Variants in CCSER1 observed in about 807,000 individuals in gnomAD.
The protein encoded by CCSER1 is coiled-coil serine rich protein 1, also known as serine-rich coiled-coil domain-containing protein 1.
A neutral mutation model predicts 82.0 loss-of-function variants in CCSER1; 41 were observed. The observed-to-expected ratio is 0.50, with a 90% CI of 0.39 to 0.65. The LOEUF (loss-of-function observed/expected upper bound fraction) is 0.65, where lower values mean the gene tolerates loss of function less well. Among genes scored for constraint, CCSER1 ranks in the 30% least tolerant of loss-of-function variants. The pLI is 0.00. For missense variants in CCSER1, 1,119 were observed against 1,064.2 expected (o/e 1.05, Z -0.72); for synonymous variants, 414 against 383.9 (o/e 1.08, Z -0.92).
At chr4:90,885,818 A>G (rs1722041803) in intron 8 of CCSER1, among the ~76,000 whole-genome samples, 1 of 152,196 alleles carries the variant, frequency 6.6e-6, no homozygotes. Flanking sequence ...ATTAGGAAGA[A>G]TTCAGCTACC....
chr4:90,691,612 A>C (rs1560951672), intron 6 of CCSER1, among the ~76,000 whole-genome samples: 1 of 140,954 alleles, frequency 7.1e-6, no homozygotes, highest in East Asian at 2.0e-4. Context: ...TATATATCAC[A>C]TGTATATATG....
At chr4:91,383,864 T>C (rs766006724) in intron 10 of CCSER1, among the ~76,000 whole-genome samples, 21 of 152,196 alleles carry the variant, frequency 1.4e-4, no homozygotes, top group Non-Finnish European at 2.4e-4. Context: ...AGTAGAGTGT[T>C]GCATAAAGTG....
intron 2 of CCSER1, among the ~76,000 whole-genome samples, chr4:90,310,924 A>G (rs1735177243): frequency 6.6e-6 from 1 of 152,040 alleles, no homozygotes; most frequent in African/African-American, 2.4e-5. Context: ...GCACGTGACC[A>G]TGTTTGTCCA....
chr4:90,895,683 G>A (rs1377804449), intron 8 of CCSER1, among the ~76,000 whole-genome samples: 2 of 151,780 alleles, frequency 1.3e-5, no homozygotes, highest in African/African-American at 4.8e-5. Flanking sequence ...GAGGCTTTGG[G>A]TGAAGTATAA....
At chr4:90,961,125 A>G (rs1342731969) in intron 9 of CCSER1, among the ~76,000 whole-genome samples, 1 of 152,090 alleles carries the variant, frequency 6.6e-6, no homozygotes, top group Admixed American at 6.6e-5. Context: ...ATGCTACTTT[A>G]TCCTGTTCTT....
chr4:90,449,595 G>A (rs1196726186), intron 4 of CCSER1, among the ~76,000 whole-genome samples: 1 of 152,168 alleles, frequency 6.6e-6, no homozygotes, highest in Non-Finnish European at 1.5e-5. Flanking sequence ...TCCCTCCCAT[G>A]CTCATCAGCT....
intron 5 of CCSER1, among the ~76,000 whole-genome samples, chr4:90,495,551 A>G (rs1326697699): frequency 2.6e-5 from 4 of 152,224 alleles, no homozygotes; most frequent in South Asian, 2.1e-4. Context: ...CAAAATAAAC[A>G]GTACTCTAAA....
intron 5 of CCSER1, among the ~76,000 whole-genome samples, chr4:90,590,766 G>A (rs1218003050): frequency 6.6e-6 from 1 of 152,088 alleles, no homozygotes; most frequent in East Asian, 1.9e-4. Flanking sequence ...GCTTAGAATT[G>A]TCTTGGTTAT....
intron 7 of CCSER1, among the ~76,000 whole-genome samples, chr4:90,774,728 G>T (rs1752675348): frequency 6.6e-6 from 1 of 152,028 alleles, no homozygotes; most frequent in South Asian, 2.1e-4. Context: ...GATTACTGCT[G>T]TAATGTTTTC....
At chr4:91,232,750 C>T (rs968078468) in intron 10 of CCSER1, among the ~76,000 whole-genome samples, 4 of 151,632 alleles carry the variant, frequency 2.6e-5, no homozygotes, top group Admixed American at 2.6e-4. Flanking sequence ...TAAAATGTAT[C>T]TCTGTGTGTA....
chr4:90,347,838 T>G (rs1348114103), intron 3 of CCSER1, among the ~76,000 whole-genome samples: 2 of 152,100 alleles, frequency 1.3e-5, no homozygotes, highest in Non-Finnish European at 2.9e-5. Flanking sequence ...TCAAACACTT[T>G]AAGCACCAAA....
chr4:90,411,523 C>T (rs1754798876), intron 4 of CCSER1, among the ~76,000 whole-genome samples: 2 of 152,220 alleles, frequency 1.3e-5, no homozygotes, highest in South Asian at 4.2e-4. Flanking sequence ...AGACAAAAAC[C>T]ACATGATTAT....
intron 10 of CCSER1, among the ~76,000 whole-genome samples, chr4:91,499,225 A>G (rs984653201): frequency 1.3e-5 from 2 of 152,060 alleles, no homozygotes; most frequent in Non-Finnish European, 2.9e-5. Flanking sequence ...TTAGATAATT[A>G]GTATTTTGGG....
At chr4:91,250,100 C>T (rs1226389568) in intron 10 of CCSER1, among the ~76,000 whole-genome samples, 3 of 151,754 alleles carry the variant, frequency 2.0e-5, no homozygotes, top group East Asian at 1.9e-4. Context: ...TGTCCTTCAC[C>T]GGCTCCTGAA....
rs144966778 is a variant in CCSER1 at position 90,626,837 on chromosome 4, A to G, written c.1725-1188A>G. ...ATTACATGACTGCCTGAGGTTCAAT[A>G]AGAACTATATAAATATTAGCTATTA... On this transcript the variant is annotated intron_variant, in intron 5 of 10. Transcript: ENST00000509176. Among the ~76,000 whole-genome samples, 123 of 152,314 alleles carry G rather than the reference A, an allele frequency of 8.1e-4. 1 individual carries two copies. The East Asian group carries it at 0.017, about 21-fold the overall frequency.
At chr4:90,919,275 T>A (rs1383415246) in intron 8 of CCSER1, among the ~76,000 whole-genome samples, 1 of 151,886 alleles carries the variant, frequency 6.6e-6, no homozygotes, top group Non-Finnish European at 1.5e-5. Context: ...TGTAAGCTTT[T>A]TAAAAGAGTT....
chr4:91,115,289 T>G (rs1400452556), intron 10 of CCSER1, among the ~76,000 whole-genome samples: 1 of 152,210 alleles, frequency 6.6e-6, no homozygotes, highest in Non-Finnish European at 1.5e-5. Context: ...CAGTTTGTAC[T>G]CCTGTCTTAT....
chr4:90,506,305 T>C (rs1302780222), intron 5 of CCSER1, among the ~76,000 whole-genome samples: 2 of 152,208 alleles, frequency 1.3e-5, no homozygotes, highest in Non-Finnish European at 2.9e-5. Context: ...TCAGAAAATA[T>C]TTTTTCATGT....
intron 10 of CCSER1, among the ~76,000 whole-genome samples, chr4:91,242,287 A>C (rs1387617080): frequency 6.6e-6 from 1 of 152,206 alleles, no homozygotes; most frequent in Non-Finnish European, 1.5e-5. Flanking sequence ...GGAAATAGAC[A>C]TGGAGAGGTA....
Sources: gnomAD v4.1 joint callset for allele counts (sites outside exome capture counted in the v4.1 genomes callset) on GRCh38, gnomAD v4.1.1 for gene constraint, MANE v1.5 for transcripts, NCBI Gene and HGNC (gene_info 2026-07-23, HGNC 2026-07-21) for gene names.